Variants in TUSC3 observed in about 807,000 individuals in gnomAD.
The protein encoded by TUSC3 is tumor suppressor candidate 3, also known as dolichyl-diphosphooligosaccharide--protein glycosyltransferase subunit TUSC3.
TUSC3 carries 45 observed loss-of-function variants against 44.8 expected under a neutral mutation model. That is an observed-to-expected ratio of 1.00 (90% CI 0.79 to 1.29). TUSC3 has a LOEUF of 1.29. Ranked by LOEUF, TUSC3 falls within the 50% of genes most tolerant of loss-of-function variation. The pLI is 0.00. For missense variants in TUSC3, 519 were observed against 437.9 expected (o/e 1.19, Z -1.65); for synonymous variants, 212 against 152.9 (o/e 1.39, Z -2.85).
At chr8:15,424,422 G>GAGGA (rs111725317) in intron 1 of TUSC3, among the ~76,000 whole-genome samples, 60 of 152,178 alleles carry the variant, frequency 3.9e-4, no homozygotes, top group African/African-American at 1.3e-3. Context: ...TAGAGGGAGG[G>GAGGA]AGGAAAAAAT....
intron 1 of TUSC3, among the ~76,000 whole-genome samples, chr8:15,577,488 G>A (rs1200379889): frequency 1.3e-5 from 2 of 151,006 alleles, no homozygotes; most frequent in East Asian, 2.0e-4. Flanking sequence ...ATTGTTTTTT[G>A]TATAAGGTGT....
chr8:15,609,569 T>G (rs1378331167), intron 1 of TUSC3, among the ~76,000 whole-genome samples: 1 of 151,866 alleles, frequency 6.6e-6, no homozygotes, highest in Non-Finnish European at 1.5e-5. Flanking sequence ...AATGCAGTGG[T>G]GGAAAAAAAA....
chr8:15,618,270 C>T (rs963295781), intron 1 of TUSC3, among the ~76,000 whole-genome samples: 1 of 152,082 alleles, frequency 6.6e-6, no homozygotes. Flanking sequence ...ATTAACTTTA[C>T]CCTACTAGAA....
chr8:15,686,644 G>C (rs1013926010), intron 6 of TUSC3, among the ~76,000 whole-genome samples: 2 of 152,012 alleles, frequency 1.3e-5, no homozygotes, highest in Admixed American at 6.5e-5. Flanking sequence ...AAATCATATA[G>C]ACTGATTTAG....
chr8:15,551,858 T>A (rs568635207), intron 1 of TUSC3, among the ~76,000 whole-genome samples: 15 of 151,926 alleles, frequency 9.9e-5, no homozygotes, highest in Non-Finnish European at 1.6e-4. Context: ...TTCTGTTGAG[T>A]TAGCGTCATA....
At position 15,662,243 on chromosome 8, in the gene TUSC3, A is replaced by G. The variant is rs1426430754; in HGVS notation, c.655A>G (p.Arg219Gly). Residue 219 changes from arginine to glycine, a missense_variant, in exon 5 of 11, where the codon AGG becomes GGG. Transcript: ENST00000503731. ...TGTTGGAGGTTTGCTTTATTTGAGA[A>G]GGAACAACTTGGAGTTCATCTATAA... ...SLVGGLLYLR[R>G]NNLEFIYNKT... 1 of 1,613,032 alleles carries G rather than the reference A, an allele frequency of 6.2e-7. No homozygotes were observed. Among genetic ancestry groups the G allele is most frequent in the African/African-American group, 1.3e-5 (1 of 74,818 alleles).
intron 6 of TUSC3, among the ~76,000 whole-genome samples, chr8:15,729,179 G>C (rs1810614519): frequency 6.6e-6 from 1 of 152,146 alleles, no homozygotes; most frequent in Non-Finnish European, 1.5e-5. Flanking sequence ...ATATTATCCT[G>C]TACTGTTAAA....
At chr8:15,540,856 A>G (rs1801664132) in intron 1 of TUSC3, among the ~76,000 whole-genome samples, 1 of 152,226 alleles carries the variant, frequency 6.6e-6, no homozygotes, top group East Asian at 1.9e-4. Context: ...CCCAGCTTAG[A>G]GCAATGGTGC....
intron 1 of TUSC3, among the ~76,000 whole-genome samples, chr8:15,424,140 G>A (rs1396547777): frequency 1.3e-5 from 2 of 151,692 alleles, no homozygotes; most frequent in East Asian, 1.9e-4. Context: ...ACAGGCACAC[G>A]CCACCACTCA....
At chr8:15,641,528 C>T (rs112204197) in intron 2 of TUSC3, among the ~76,000 whole-genome samples, 1 of 152,112 alleles carries the variant, frequency 6.6e-6, no homozygotes, top group Non-Finnish European at 1.5e-5. Flanking sequence ...TGCAAATAGT[C>T]AATGAATTTT....
At chr8:15,603,502 T>C (rs965484239) in intron 1 of TUSC3, among the ~76,000 whole-genome samples, 2 of 151,634 alleles carry the variant, frequency 1.3e-5, no homozygotes, top group African/African-American at 4.8e-5. Context: ...GTCTGGTGAA[T>C]GAAGCCTGTG....
At chr8:15,781,478 C>T in the TUSC3 span, among the ~76,000 whole-genome samples, 2 of 151,980 alleles carry the variant, frequency 1.3e-5, no homozygotes. Context: ...TTGAAGGCAG[C>T]AAGGGAAAAG....
intron 7 of TUSC3, among the ~76,000 whole-genome samples, chr8:15,742,854 G>T (rs1204516649): frequency 6.6e-6 from 1 of 152,206 alleles, no homozygotes; most frequent in Non-Finnish European, 1.5e-5. Context: ...TTATGAAGAT[G>T]AAAATTTCCC....
rs117757641 is a variant in TUSC3, at chr8:15,625,593, C to G, written c.308+2344C>G. Among the ~76,000 whole-genome samples the G allele has an allele frequency of 5.3e-3, 812 of 152,304 alleles. 6 individuals carry two copies. The highest frequency in any genetic ancestry group is 0.024 in the Middle Eastern group (7 of 294). On this transcript the variant is annotated intron_variant, in intron 2 of 10. Coordinates refer to ENST00000503731, the MANE Select transcript of TUSC3 (RefSeq NM_006765.4). ...AGAGCAAACACATTTTGTACTATAA[C>G]TGCATGTGCCAGCATTGTCCATGTT...
Position 15,699,010 on chromosome 8 carries a change from C to G in TUSC3, c.798+25174C>G, listed in dbSNP as rs76548680. 1.1e-3 allele frequency among the ~76,000 whole-genome samples: 169 copies of G among 152,112 alleles called. 2 individuals are homozygous for G. In the Middle Eastern group the frequency reaches 0.024, roughly 21 times the overall value. On this transcript the variant is annotated intron_variant, in intron 6 of 10. Transcript: ENST00000503731. ...TACAGGTGCATGCCACTGCACCCAACTAATTTTTAAAATTTTTTGTAGAGA... is the reference window on the plus strand; with the variant it reads ...TACAGGTGCATGCCACTGCACCCAAGTAATTTTTAAAATTTTTTGTAGAGA...
chr8:15,587,477 G>A (rs1473634793), intron 1 of TUSC3, among the ~76,000 whole-genome samples: 1 of 152,088 alleles, frequency 6.6e-6, no homozygotes, highest in Non-Finnish European at 1.5e-5. Context: ...GGAGTACGGA[G>A]TGATATTTCC....
chr8:15,783,460 A>G, the TUSC3 span, among the ~76,000 whole-genome samples: 4 of 152,274 alleles, frequency 2.6e-5, no homozygotes, highest in African/African-American at 7.2e-5. Context: ...ATCACACTAC[A>G]TCATTTCAAA....
intron 2 of TUSC3, among the ~76,000 whole-genome samples, chr8:15,639,697 C>A (rs1331341726): frequency 6.6e-6 from 1 of 150,548 alleles, no homozygotes; most frequent in African/African-American, 2.4e-5. Context: ...TTATGTTAGT[C>A]ATTTAACATA....
rs1472923272 is a variant in TUSC3 at position 15,577,813 on chromosome 8, A to G, written c.138+37245A>G. On this transcript the variant is annotated intron_variant, in intron 1 of 10. Coordinates refer to ENST00000503731, the MANE Select transcript of TUSC3 (RefSeq NM_006765.4). Reference sequence around the variant, plus strand: ...GCGATGCGGGCTCTTTTTTGGTTCCATATGAACTTTAAAGTAGTTTTTTCC... The same window carrying G: ...GCGATGCGGGCTCTTTTTTGGTTCCGTATGAACTTTAAAGTAGTTTTTTCC... 4.2e-4 allele frequency among the ~76,000 whole-genome samples: 62 copies of G among 146,688 alleles called. 1 individual carries two copies. The highest frequency in any genetic ancestry group is 1.5e-3 in the African/African-American group (60 of 39,062).
Sources: allele counts gnomAD v4.1 joint callset (sites outside exome capture counted in the v4.1 genomes callset), GRCh38; gene constraint gnomAD v4.1.1; transcripts MANE v1.5; gene names NCBI Gene and HGNC (gene_info 2026-07-23, HGNC 2026-07-21).